NPR1: variants seen among roughly 807,000 people sequenced by gnomAD.
NPR1 encodes natriuretic peptide receptor 1, also known as atrial natriuretic peptide receptor 1.
NPR1 carries 57 observed loss-of-function variants against 116.9 expected under a neutral mutation model. The observed-to-expected ratio is 0.49, with a 90% CI of 0.39 to 0.61. The LOEUF is 0.61. Among genes scored for constraint, NPR1 ranks in the 20% least tolerant of loss-of-function variants. NPR1 has a pLI of 0.00. For missense variants in NPR1, 1,096 were observed against 1,409.8 expected (o/e 0.78, Z 3.56); for synonymous variants, 555 against 601.6 (o/e 0.92, Z 1.13).
intron 1 of NPR1, 148 bp from the exon 2 acceptor site, chr1:153,680,353 A>T (rs1669733662): frequency 3.6e-6 from 2 of 549,760 alleles, no homozygotes; most frequent in African/African-American, 2.2e-5. Context: ...GCTGTGGCCT[A>T]GGCTGAGCCG....
At position 153,682,532 on chromosome 1, in the gene NPR1, C is replaced by G. The variant is rs370485762; in HGVS notation, c.1206C>G (p.Gly402=). 6.2e-7 allele frequency: 1 copy of G among 1,614,004 alleles called. No homozygotes were observed. The highest frequency in any genetic ancestry group is 8.5e-7 in the Non-Finnish European group (1 of 1,179,898). Reference sequence around the variant, plus strand: ...GATACCTGAAAATTGATAGCAGTGGCGATCGGGAAACAGACTTCTCCCTCT... The same window carrying G: ...GATACCTGAAAATTGATAGCAGTGGGGATCGGGAAACAGACTTCTCCCTCT... ...VTGYLKIDSS[G]DRETDFSLWD... is the part of the protein sequence containing the mutation. Residue 402 remains glycine (G), a synonymous_variant, in exon 5 of 22, where the codon GGC becomes GGG. Coordinates refer to ENST00000368680, the MANE Select transcript of NPR1 (RefSeq NM_000906.4).
Position 153,693,772 on chromosome 1 carries a change from GA to G in NPR1, c.*359del. ...TTGCTACCCTGTGACTTACTGGGAG[GA>G]GAAAGAGTCACCTGAAGGGGAACAT... On this transcript the variant is annotated 3_prime_UTR_variant, in exon 22 of 22. Coordinates refer to ENST00000368680, the MANE Select transcript of NPR1 (RefSeq NM_000906.4). The G allele has an allele frequency of 2.5e-6, 1 of 405,168 alleles. No individual in the cohort carries two copies. The allele number at this position is 405,168 out of a possible 1,614,324, so 25.1% of individuals were successfully genotyped here.
Position 153,693,952 on chromosome 1 carries a change from T to C in NPR1, c.*538T>C. On this transcript the variant is annotated 3_prime_UTR_variant, in exon 22 of 22. Coordinates refer to ENST00000368680, the MANE Select transcript of NPR1 (RefSeq NM_000906.4). ...GGGTTGGGGGCCTGTATGCCTTGCT[T>C]CTACCATGAGCAGAGACAATTAAAA... The C allele has an allele frequency of 2.5e-6, 1 of 396,886 alleles. No individual in the cohort carries two copies. The allele number at this position is 396,886 out of a possible 1,614,324, so 24.6% of individuals were successfully genotyped here.
At chr1:153,681,097 G>A in intron 2 of NPR1, 83 bp from the exon 3 acceptor site, 1 of 785,712 alleles carries the variant, frequency 1.3e-6, no homozygotes, top group Non-Finnish European at 2.3e-6. Context: ...GCTCTGGGAG[G>A]TGGGCTCCCA....
In NPR1 at chr1:153,689,120, A is replaced by AC. The variant is rs111230362; in HGVS notation, c.2564+29dup. ...CCTCAGTGAGTGCCTGAGTCTGGGG[A>AC]CCCCCCCCAACACAAAGCCCCTGTC... On this transcript the variant is annotated intron_variant, in intron 16 of 21. Transcript: ENST00000368680. The surrounding 1 kb of genome is among the most constrained non-coding windows in gnomAD (Gnocchi z 5.1). 1,259 of 1,610,742 alleles carry AC rather than the reference A, an allele frequency of 7.8e-4. 2 individuals carry two copies. The highest frequency in any genetic ancestry group is 2.8e-3 in the Middle Eastern group (17 of 6,056).
Position 153,693,091 on chromosome 1 carries a change from C to T in NPR1, c.3032-15C>T. On this transcript the variant is annotated splice_polypyrimidine_tract_variant and intron_variant, in intron 20 of 21. Coordinates refer to ENST00000368680, the MANE Select transcript of NPR1 (RefSeq NM_000906.4). ...CTCACATTGCTCACCTTCCCTTCTCCCCTGTCCTACCCAGCCCTGAAGATC... is the reference window on the plus strand; with the variant it reads ...CTCACATTGCTCACCTTCCCTTCTCTCCTGTCCTACCCAGCCCTGAAGATC... 6.2e-7 allele frequency: 1 copy of T among 1,606,524 alleles called. No individual in the cohort carries two copies. The highest frequency in any genetic ancestry group is 8.5e-7 in the Non-Finnish European group (1 of 1,175,636).
chr1:153,691,382 T>C (rs1380935754), intron 20 of NPR1, among the ~76,000 whole-genome samples: 1 of 152,204 alleles, frequency 6.6e-6, no homozygotes, highest in Non-Finnish European at 1.5e-5. Flanking sequence ...GAGTGACTAC[T>C]GAGTGCCAGG....
Position 153,683,729 on chromosome 1 carries a change from C to G in NPR1, c.1400-11C>G. On this transcript the variant is annotated splice_polypyrimidine_tract_variant and intron_variant, in intron 6 of 21. Coordinates refer to ENST00000368680, the MANE Select transcript of NPR1 (RefSeq NM_000906.4). ...AATCTCTCTTGCTGCAATATGGACT[C>G]TCTCCTGCAGATCACCTTTCCACCC... 6.2e-7 allele frequency: 1 copy of G among 1,613,920 alleles called. No homozygotes were observed. Among genetic ancestry groups the G allele is most frequent in the South Asian group, 1.1e-5 (1 of 91,076 alleles).
At chr1:153,680,382 T>G in intron 1 of NPR1, 119 bp from the exon 2 acceptor site, 1 of 659,390 alleles carries the variant, frequency 1.5e-6, no homozygotes, top group African/African-American at 1.9e-5. Flanking sequence ...CACTTAACTC[T>G]CACTGGGTCT....
At chr1:153,686,904 C>A in intron 11 of NPR1, 112 bp from the exon 12 acceptor site, 1 of 1,308,908 alleles carries the variant, frequency 7.6e-7, no homozygotes, top group South Asian at 1.2e-5. Context: ...GCACTAGAGT[C>A]AATCCAAAGT....
At position 153,678,880 on chromosome 1, in the gene NPR1, A is replaced by G; in HGVS notation, c.-229A>G. 2.0e-6 allele frequency: 1 copy of G among 507,494 alleles called. No individual in the cohort carries two copies. The highest frequency in any genetic ancestry group is 3.6e-5 in the South Asian group (1 of 27,832). 31.4% of individuals were successfully genotyped at this position (507,494 alleles called of 1,614,324 possible). On this transcript the variant is annotated 5_prime_UTR_variant, in exon 1 of 22. Transcript: ENST00000368680. This position sits in a 1 kb window ranked among gnomAD's most constrained non-coding sequence, Gnocchi z 5.8. Reference sequence around the variant, plus strand: ...CTCTCCAGCCCGACGTTCTCCTGGCACCCACCTGCTCCGCGGCGCCCTGCG... The same window carrying G: ...CTCTCCAGCCCGACGTTCTCCTGGCGCCCACCTGCTCCGCGGCGCCCTGCG...
At chr1:153,690,068 ATC>A (rs1189924933) in intron 19 of NPR1, 88 bp downstream of exon 19, 68,731 of 662,722 alleles carry the variant, frequency 0.1, 89 homozygotes, top group East Asian at 0.21. Flanking sequence ...TCGCCCTTTC[ATC>A]TCTCTCTCTC....
rs1254808377 is a variant in NPR1 at position 153,687,100 on chromosome 1, G to T, written c.1935+13G>T. The T allele has an allele frequency of 6.2e-7, 1 of 1,613,956 alleles. No homozygotes were observed. The highest frequency in any genetic ancestry group is 1.3e-5 in the African/African-American group (1 of 74,902). ...TGACATCGTCAAGGTATGCCCCTAA[G>T]CACCTATTGGATGTGTAGAGCAGGG... On this transcript the variant is annotated intron_variant, in intron 12 of 21. Transcript: ENST00000368680.
rs749819358 is a variant in NPR1 at position 153,689,332 on chromosome 1, A to G, written c.2688+21A>G. On this transcript the variant is annotated intron_variant, in intron 17 of 21. Transcript: ENST00000368680. The surrounding 1 kb of genome is among the most constrained non-coding windows in gnomAD (Gnocchi z 5.1). Reference sequence around the variant, plus strand: ...TGCAGGTAGGCCAGGGTTCAGCCACAGGTGCCAGGCAAGCTCAGCATCTGG... The same window carrying G: ...TGCAGGTAGGCCAGGGTTCAGCCACGGGTGCCAGGCAAGCTCAGCATCTGG... 39 of 1,614,048 alleles carry G rather than the reference A, an allele frequency of 2.4e-5. No individual in the cohort carries two copies. Among genetic ancestry groups the G allele is most frequent in the Non-Finnish European group, 4.2e-6 (5 of 1,180,024 alleles).
At chr1:153,690,943 A>G (rs12758456) in intron 20 of NPR1, among the ~76,000 whole-genome samples, 1 of 30,016 alleles carries the variant, frequency 3.3e-5, no homozygotes, top group Non-Finnish European at 5.9e-5. Flanking sequence ...ACTCTGTCTC[A>G]AAAAAAAAAA....
chr1:153,686,880 G>A, intron 11 of NPR1, 130 bp downstream of exon 11: 1 of 1,251,214 alleles, frequency 8.0e-7, no homozygotes, highest in Non-Finnish European at 1.1e-6. Context: ...AATGGGAGTT[G>A]GGGAAGGGCA....
chr1:153,693,777 A>C lies in NPR1; in HGVS notation c.*363A>C. On this transcript the variant is annotated 3_prime_UTR_variant, in exon 22 of 22. Transcript: ENST00000368680. ...ACCCTGTGACTTACTGGGAGGAGAA[A>C]GAGTCACCTGAAGGGGAACATGAAA... is the stretch of plus-strand genomic sequence containing the variant. 1 of 391,026 alleles carries C rather than the reference A, an allele frequency of 2.6e-6. No homozygotes were observed. The highest frequency in any genetic ancestry group is 4.5e-6 in the Non-Finnish European group (1 of 220,944). 24.2% of individuals were successfully genotyped at this position (391,026 alleles called of 1,614,324 possible).
At chr1:153,684,316 G>A (rs1669865566) in intron 7 of NPR1, among the ~76,000 whole-genome samples, 1 of 151,606 alleles carries the variant, frequency 6.6e-6, no homozygotes, top group South Asian at 2.1e-4. Flanking sequence ...AGGAGGGAGG[G>A]GAGAAAAATC....
At chr1:153,688,775 G>A in intron 15 of NPR1, 178 bp from the exon 16 acceptor site, 1 of 683,226 alleles carries the variant, frequency 1.5e-6, no homozygotes, top group Non-Finnish European at 2.4e-6. Flanking sequence ...TCTCAGAAAA[G>A]AATTGAACTT....
Sources: allele counts gnomAD v4.1 joint callset (sites outside exome capture counted in the v4.1 genomes callset), GRCh38; gene constraint gnomAD v4.1.1; non-coding constraint Gnocchi (gnomAD v3.1); transcripts MANE v1.5; gene names NCBI Gene and HGNC (gene_info 2026-07-23, HGNC 2026-07-21).